Variants in MED12L observed in about 807,000 individuals in gnomAD.
MED12L encodes the protein mediator of RNA polymerase II transcription subunit 12-like protein.
MED12L carries 60 observed loss-of-function variants against 281.3 expected under a neutral mutation model. The ratio of observed to expected loss-of-function variants is 0.21; its 90% CI spans 0.17 to 0.26. MED12L has a LOEUF of 0.26. MED12L is among the 10% of genes least tolerant of loss of function. MED12L has a pLI of 1.00. For synonymous variants in MED12L, 974 were observed against 987.2 expected (o/e 0.99, Z 0.25); for missense variants, 2,146 against 2,680.9 (o/e 0.80, Z 4.41).
intron 16 of MED12L, chr3:151,198,975 C>T: frequency 6.2e-7 from 1 of 1,614,006 alleles, no homozygotes; most frequent in Admixed American, 1.7e-5. Flanking sequence ...ATTAGCCACA[C>T]AACGGTTGAT....
chr3:151,419,958 G>A (rs1718053595), intron 43 of MED12L, among the ~76,000 whole-genome samples: 2 of 152,142 alleles, frequency 1.3e-5, no homozygotes, highest in Non-Finnish European at 2.9e-5. Flanking sequence ...TTCTGCCACT[G>A]TCACGTGGTC....
chr3:151,247,625 G>C (rs28683077), intron 16 of MED12L, among the ~76,000 whole-genome samples: 4 of 132,196 alleles, frequency 3.0e-5, no homozygotes, highest in African/African-American at 8.2e-5. Context: ...GGTCGGGGAG[G>C]GGGGAGGGAT....
Position 151,165,928 on chromosome 3 carries a change from G to A in MED12L, c.1440G>A (p.Met480Ile), listed in dbSNP as rs1720656999. 2.5e-6 allele frequency: 4 copies of A among 1,613,896 alleles called. No individual in the cohort carries two copies. Among genetic ancestry groups the A allele is most frequent in the Non-Finnish European group, 2.5e-6 (3 of 1,179,858 alleles). ...ACCGAACTGATTCCAGCAATTCCAT[G>A]GAGACACTTTATCATAAGATTTTCT... ...CFDRTDSSNS[M>I]ETLYHKIFWA... Residue 480 changes from methionine (M) to isoleucine (I), a missense_variant, in exon 11 of 45, where the codon ATG (methionine) becomes ATA (isoleucine). Met to Ile is a conservative substitution (Grantham distance 10). Around this residue, in one of 9 missense-constraint regions of MED12L, gnomAD observed 722 missense variants for 861.2 expected, o/e 0.84. Coordinates refer to ENST00000687756, the MANE Select transcript of MED12L (RefSeq NM_001393769.1).
Position 151,182,014 on chromosome 3 carries a change from G to C in MED12L, c.1495-3316G>C, listed in dbSNP as rs370889315. Among the ~76,000 whole-genome samples the C allele has an allele frequency of 7.2e-5, 11 of 152,176 alleles. No homozygotes were observed. The East Asian group carries it at 1.9e-3, about 27-fold the overall frequency. On this transcript the variant is annotated intron_variant, in intron 11 of 44. Transcript: ENST00000687756. Reference sequence around the variant, plus strand: ...AATGTAAAAAGAACATTTTAATTTAGCTAAATTATTTTTTTTAATGAGGTA... The same window carrying C: ...AATGTAAAAAGAACATTTTAATTTACCTAAATTATTTTTTTTAATGAGGTA...
At chr3:151,252,756 A>G (rs990565543) in intron 16 of MED12L, among the ~76,000 whole-genome samples, 2 of 152,148 alleles carry the variant, frequency 1.3e-5, no homozygotes, top group African/African-American at 4.8e-5. Context: ...AGGTTTGTTC[A>G]TATGTAATCT....
Position 151,334,192 on chromosome 3 carries a change from C to CTTTTTTTTTTTTTTT in MED12L, c.2251-15864_2251-15863insTTTTTTTTTTTTTTT, listed in dbSNP as rs71848482. Among the ~76,000 whole-genome samples the CTTTTTTTTTTTTTTT allele has an allele frequency of 4.5e-3, 445 of 99,170 alleles. 15 individuals carry two copies. The highest frequency in any genetic ancestry group is 7.2e-3 in the Middle Eastern group (1 of 138). 65.1% of individuals were successfully genotyped at this position (99,170 alleles called of 152,430 possible). On this transcript the variant is annotated intron_variant, in intron 16 of 44. Coordinates refer to ENST00000687756, the MANE Select transcript of MED12L (RefSeq NM_001393769.1). ...GATGTTATGTGTTTTTTCTTTCTTT[C>CTTTTTTTTTTTTTTT]TTTCTTTTTTTTTTTGCCATTTCTA...
At chr3:151,282,367 TG>T (rs1184131390) in intron 16 of MED12L, among the ~76,000 whole-genome samples, 16 of 149,250 alleles carry the variant, frequency 1.1e-4, no homozygotes, top group African/African-American at 3.9e-4. Context: ...TGTTTTTTTT[TG>T]TTTGTTTGTT....
intron 11 of MED12L, among the ~76,000 whole-genome samples, chr3:151,166,505 G>C (rs60209219): frequency 9.9e-5 from 15 of 151,936 alleles, no homozygotes; most frequent in African/African-American, 3.4e-4. Context: ...AGAGAGAAAG[G>C]GGGGGAGAAA....
At chr3:151,267,411 A>G (rs531510588) in intron 16 of MED12L, among the ~76,000 whole-genome samples, 1 of 152,334 alleles carries the variant, frequency 6.6e-6, no homozygotes, top group East Asian at 1.9e-4. Flanking sequence ...AAGAAACAAT[A>G]TCAAGGTTAT....
chr3:151,195,346 A>C (rs991790092), intron 16 of MED12L, among the ~76,000 whole-genome samples: 1 of 151,902 alleles, frequency 6.6e-6, no homozygotes, highest in Non-Finnish European at 1.5e-5. Flanking sequence ...TATTACAGTT[A>C]AAAGTCTCTT....
chr3:151,219,360 A>G (rs1728870994), intron 16 of MED12L, among the ~76,000 whole-genome samples: 1 of 152,214 alleles, frequency 6.6e-6, no homozygotes, highest in Admixed American at 6.5e-5. Context: ...CTCTGAGTTC[A>G]TTACTCATCT....
chr3:151,355,650 G>A (rs910924408), intron 18 of MED12L, among the ~76,000 whole-genome samples: 1 of 152,110 alleles, frequency 6.6e-6, no homozygotes, highest in Admixed American at 6.5e-5. Context: ...ATTTGTAGTT[G>A]TTCTACCATT....
chr3:151,196,455 A>G (rs1724673815), intron 16 of MED12L, among the ~76,000 whole-genome samples: 1 of 152,188 alleles, frequency 6.6e-6, no homozygotes, highest in Non-Finnish European at 1.5e-5. Context: ...AGTGTTTTCC[A>G]TGTCCCCATC....
At chr3:151,384,278 G>T in intron 35 of MED12L, 60 bp downstream of exon 35, 1 of 1,462,136 alleles carries the variant, frequency 6.8e-7, no homozygotes. Flanking sequence ...ATTATCTAGT[G>T]CATTTTAATT....
At chr3:151,202,247 G>A (rs182042773) in intron 16 of MED12L, among the ~76,000 whole-genome samples, 13 of 152,238 alleles carry the variant, frequency 8.5e-5, no homozygotes, top group Non-Finnish European at 5.9e-5. Context: ...TGAGAACTAA[G>A]TGCTTAATAA....
At chr3:151,367,551 T>G in intron 23 of MED12L, 95 bp from the exon 24 acceptor site, 1 of 1,118,468 alleles carries the variant, frequency 8.9e-7, no homozygotes, top group Non-Finnish European at 1.2e-6. Flanking sequence ...GGATTTGAGA[T>G]CTTATTGGTA....
chr3:151,373,918 G>T (rs930477838), intron 27 of MED12L, among the ~76,000 whole-genome samples: 1 of 152,044 alleles, frequency 6.6e-6, no homozygotes, highest in Non-Finnish European at 1.5e-5. Flanking sequence ...CATGGTTATG[G>T]AGTATCATTA....
chr3:151,345,349 A>G (rs1263126902), intron 16 of MED12L, among the ~76,000 whole-genome samples: 2 of 152,144 alleles, frequency 1.3e-5, no homozygotes, highest in African/African-American at 4.8e-5. Context: ...CAGATTATTA[A>G]TATTACTTAC....
chr3:151,271,822 A>G (rs1410076857), intron 16 of MED12L, among the ~76,000 whole-genome samples: 1 of 152,198 alleles, frequency 6.6e-6, no homozygotes, highest in Non-Finnish European at 1.5e-5. Flanking sequence ...TACTGGTAGA[A>G]CTAAGCTCTA....
Sources: allele counts gnomAD v4.1 joint callset (sites outside exome capture counted in the v4.1 genomes callset), GRCh38; gene constraint gnomAD v4.1.1; regional missense constraint gnomAD v4.1.1; transcripts MANE v1.5; gene names NCBI Gene and HGNC (gene_info 2026-07-23, HGNC 2026-07-21).